Variants in CHAC2 observed in about 807,000 individuals in gnomAD.
The protein encoded by CHAC2 is glutathione-specific gamma-glutamylcyclotransferase 2.
CHAC2 carries 20 observed loss-of-function variants against 16.9 expected under a neutral mutation model. The observed-to-expected ratio is 1.18, with a 90% confidence interval of 0.83 to 1.72. The LOEUF is 1.72. Ranked by LOEUF, CHAC2 falls within the 40% of genes most tolerant of loss-of-function variation. The pLI, the probability that CHAC2 is intolerant of heterozygous loss-of-function variation, is 0.00. For missense variants in CHAC2, 269 were observed against 222.2 expected (o/e 1.21, Z -1.34); for synonymous variants, 91 against 77.3 (o/e 1.18, Z -0.93).
intron 1 of CHAC2, among the ~76,000 whole-genome samples, chr2:53,769,153 C>T (rs534448341): frequency 6.6e-6 from 1 of 152,170 alleles, no homozygotes; most frequent in Non-Finnish European, 1.5e-5. Flanking sequence ...CAAAGTATCT[C>T]CAAGAATGTT....
chr2:53,768,035 C>A lies in CHAC2; in HGVS notation c.135+14C>A. 6.2e-7 allele frequency: 1 copy of A among 1,611,924 alleles called. No individual in the cohort carries two copies. Among genetic ancestry groups the A allele is most frequent in the Non-Finnish European group, 8.5e-7 (1 of 1,179,888 alleles). ...GTCCCCGGCAAGGTGAGGCGCCGGT[C>A]AGCTCCCCACACTTACTGCCCCCTG... On this transcript the variant is annotated intron_variant, in intron 1 of 2. Coordinates refer to ENST00000295304, the MANE Select transcript of CHAC2 (RefSeq NM_001008708.4).
At position 53,774,526 on chromosome 2, in the gene CHAC2, T is replaced by C. The variant is rs1479618048; in HGVS notation, c.*1T>C. The C allele has an allele frequency of 1.3e-6, 2 of 1,526,396 alleles. No homozygotes were observed. Among genetic ancestry groups the C allele is most frequent in the Admixed American group, 2.3e-5 (1 of 43,192 alleles). 94.6% of individuals were successfully genotyped at this position (1,526,396 alleles called of 1,614,324 possible). A position where few individuals can be genotyped will look rare whatever the true frequency, so the allele number is the denominator to read the frequency against. On this transcript the variant is annotated 3_prime_UTR_variant, in exon 3 of 3. Coordinates refer to ENST00000295304, the MANE Select transcript of CHAC2 (RefSeq NM_001008708.4). ...GAAACAGAACCTCAATTGCATATAA[T>C]TTAGTCTTCAGAGAATTAACTTCAG...
At position 53,774,277 on chromosome 2, in the gene CHAC2, C is replaced by G; in HGVS notation, c.307C>G (p.Pro103Ala). 6.2e-7 allele frequency: 1 copy of G among 1,614,158 alleles called. No individual in the cohort carries two copies. Among genetic ancestry groups the G allele is most frequent in the Non-Finnish European group, 8.5e-7 (1 of 1,180,024 alleles). Residue 103 changes from proline (P) to alanine (A), a missense_variant, in exon 3 of 3, where the codon CCA becomes GCA. Pro to Ala is a conservative substitution (Grantham distance 27). Coordinates refer to ENST00000295304, the MANE Select transcript of CHAC2 (RefSeq NM_001008708.4). The part of the protein sequence containing the change: ...IFYPKDPTTK[P>A]FSVLLYIGTC... Reference sequence around the variant, plus strand: ...TTATCCAAAAGATCCCACAACAAAACCATTCAGTGTATTGCTATATATTGG... The same window carrying G: ...TTATCCAAAAGATCCCACAACAAAAGCATTCAGTGTATTGCTATATATTGG...
At chr2:53,769,249 G>A (rs1027432990) in intron 1 of CHAC2, among the ~76,000 whole-genome samples, 1 of 152,188 alleles carries the variant, frequency 6.6e-6, no homozygotes, top group African/African-American at 2.4e-5. Flanking sequence ...GGTAGCTCAC[G>A]CCTCTGATCC....
In CHAC2 at chr2:53,771,957, T is replaced by C. The variant is rs367940987; in HGVS notation, c.171+15T>C. Reference sequence around the variant, plus strand: ...AAGATCCTGCGGTATGGTATAAATATTCTTTTTTGTATAATTTTAATTTTA... The same window carrying C: ...AAGATCCTGCGGTATGGTATAAATACTCTTTTTTGTATAATTTTAATTTTA... On this transcript the variant is annotated intron_variant, in intron 2 of 2. Transcript: ENST00000295304. 2.9e-5 allele frequency: 41 copies of C among 1,397,940 alleles called. No homozygotes were observed. Among genetic ancestry groups the C allele is most frequent in the Non-Finnish European group, 3.8e-5 (39 of 1,021,444 alleles). 86.6% of individuals were successfully genotyped at this position (1,397,940 alleles called of 1,614,324 possible).
At chr2:53,771,996 T>C (rs1673952478) in intron 2 of CHAC2, 54 bp downstream of exon 2, 2 of 992,792 alleles carry the variant, frequency 2.0e-6, no homozygotes, top group South Asian at 1.6e-5. Flanking sequence ...AATGTTGCGA[T>C]GTTTCTGTTT....
rs1673697142 is a variant in CHAC2 at position 53,768,976 on chromosome 2, A to ACAG, written c.135+955_135+956insCAG. Among the ~76,000 whole-genome samples the ACAG allele has an allele frequency of 7.2e-5, 11 of 152,348 alleles. No individual in the cohort carries two copies. The South Asian group carries it at 2.3e-3, about 32-fold the overall frequency. ...GAGAGACATGGGATTAAAATCACGA[A>ACAG]AAGAACCTGAATTAGAAACCATTCT... On this transcript the variant is annotated intron_variant, in intron 1 of 2. Coordinates refer to ENST00000295304, the MANE Select transcript of CHAC2 (RefSeq NM_001008708.4).
At chr2:53,773,409 G>A (rs1166693288) in intron 2 of CHAC2, among the ~76,000 whole-genome samples, 2 of 151,482 alleles carry the variant, frequency 1.3e-5, no homozygotes, top group East Asian at 1.9e-4. Context: ...CACTTTAAGT[G>A]AAGAAAAACT....
At chr2:53,771,363 A>C (rs1347036374) in intron 1 of CHAC2, among the ~76,000 whole-genome samples, 1 of 152,112 alleles carries the variant, frequency 6.6e-6, no homozygotes, top group Non-Finnish European at 1.5e-5. Context: ...AAATACAAAA[A>C]TTAGCTGGGT....
In CHAC2 at chr2:53,774,163, TAC is replaced by T. The variant is rs768113426; in HGVS notation, c.195_196del (p.Tyr65Ter). ...ACAGGGATGTGTATGGGGTGTTGCT[TAC>T]AGATTGCCAGTAGGAAAGGAAGAAG... ...DPAGCVWGVA[Y>X]RLPVGKEEEV... On this transcript the variant is annotated frameshift_variant, in exon 3 of 3. Coordinates refer to ENST00000295304, the MANE Select transcript of CHAC2 (RefSeq NM_001008708.4). LOFTEE classifies it high-confidence loss of function. 6.2e-7 allele frequency: 1 copy of T among 1,610,454 alleles called. No homozygotes were observed. Among genetic ancestry groups the T allele is most frequent in the Admixed American group, 1.7e-5 (1 of 59,452 alleles).
Position 53,774,480 on chromosome 2 carries a change from A to G in CHAC2, c.510A>G (p.Leu170=). The change falls in exon 3 of 3, where the codon TTA becomes TTG. Residue 170 remains leucine (L), a synonymous_variant. Coordinates refer to ENST00000295304, the MANE Select transcript of CHAC2 (RefSeq NM_001008708.4). ...AGCATCTTTTCGCTTTGGAAAAATT[A>G]GTAAAGGAACGTTTAGAAGGGAAAC... is the stretch of plus-strand genomic sequence containing the variant. ...ADEHLFALEK[L]VKERLEGKQN... 1 of 1,585,464 alleles carries G rather than the reference A, an allele frequency of 6.3e-7. No homozygotes were observed.
chr2:53,769,332 A>G (rs1483769485), intron 1 of CHAC2, among the ~76,000 whole-genome samples: 1 of 152,216 alleles, frequency 6.6e-6, no homozygotes, highest in African/African-American at 2.4e-5. Flanking sequence ...TTTGATATGA[A>G]TATTTAAAAT....
Position 53,767,922 on chromosome 2 carries a change from G to A in CHAC2, c.36G>A (p.Lys12=), listed in dbSNP as rs778175757. 1.2e-6 allele frequency: 2 copies of A among 1,613,912 alleles called. No homozygotes were observed. The highest frequency in any genetic ancestry group is 1.1e-5 in the South Asian group (1 of 90,990). The change falls in exon 1 of 3, where the codon AAG becomes AAA. Residue 12 remains lysine, a synonymous_variant. Coordinates refer to ENST00000295304, the MANE Select transcript of CHAC2 (RefSeq NM_001008708.4). ...TTGGTTACGGGTCCCTGATCTGGAA[G>A]GTGGATTTCCCCTATCAGGACAAGC... The part of the protein sequence containing the change: ...WVFGYGSLIW[K]VDFPYQDKLV...
At chr2:53,767,791 CGCGCGGCCG>C, upstream of CHAC2, 1 of 1,483,630 alleles carries the variant, frequency 6.7e-7, no homozygotes, top group Non-Finnish European at 9.1e-7. Context: ...GCCTGCGCCC[CGCGCGGCCG>C]GTTACTCGCT....
chr2:53,768,051 C>T, intron 1 of CHAC2, 30 bp downstream of exon 1: 1 of 1,609,432 alleles, frequency 6.2e-7, no homozygotes, highest in Non-Finnish European at 8.5e-7. Flanking sequence ...CCCACACTTA[C>T]TGCCCCCTGA....
Position 53,767,907 on chromosome 2 carries a change from G to A in CHAC2, c.21G>A (p.Gly7=), listed in dbSNP as rs1573001604. 6.2e-7 allele frequency: 1 copy of A among 1,612,966 alleles called. No homozygotes were observed. Among genetic ancestry groups the A allele is most frequent in the Non-Finnish European group, 8.5e-7 (1 of 1,179,584 alleles). MWVFGY[G]SLIWKVDFPY... ...AGAAGATGTGGGTTTTTGGTTACGG[G>A]TCCCTGATCTGGAAGGTGGATTTCC... Residue 7 remains glycine (G), a synonymous_variant, in exon 1 of 3, where the codon GGG becomes GGA. Transcript: ENST00000295304.
At chr2:53,768,933 G>T (rs1426627877) in intron 1 of CHAC2, among the ~76,000 whole-genome samples, 1 of 152,188 alleles carries the variant, frequency 6.6e-6, no homozygotes, top group Non-Finnish European at 1.5e-5. Context: ...CGCTAAAGTA[G>T]TTTGCACCTG....
rs1674193083 is a variant in CHAC2, at chr2:53,774,500, G to A, written c.530G>A (p.Gly177Glu). 4 of 1,559,190 alleles carry A rather than the reference G, an allele frequency of 2.6e-6. No individual in the cohort carries two copies. The highest frequency in any genetic ancestry group is 2.6e-6 in the Non-Finnish European group (3 of 1,157,788). ...AAATTAGTAAAGGAACGTTTAGAAG[G>A]GAAACAGAACCTCAATTGCATATAA... The part of the protein sequence containing the change: ...LEKLVKERLE[G>E]KQNLNCI Residue 177 changes from glycine (G) to glutamate (E), a missense_variant, in exon 3 of 3, where the codon GGG (glycine) becomes GAG (glutamate). Transcript: ENST00000295304.
At chr2:53,770,855 G>C (rs1382729440) in intron 1 of CHAC2, among the ~76,000 whole-genome samples, 1 of 152,104 alleles carries the variant, frequency 6.6e-6, no homozygotes, top group Non-Finnish European at 1.5e-5. Flanking sequence ...ATAGGGCAAA[G>C]TAAAGTTCAT....
Sources: allele counts gnomAD v4.1 joint callset (sites outside exome capture counted in the v4.1 genomes callset), GRCh38; gene constraint gnomAD v4.1.1; transcripts MANE v1.5; gene names NCBI Gene and HGNC (gene_info 2026-07-23, HGNC 2026-07-21).